The following FBXO10 variants were observed in gnomAD, a reference collection of about 807,000 sequenced individuals.
FBXO10 encodes the protein F-box protein 10.
FBXO10 carries 39 observed loss-of-function variants against 80.7 expected under a neutral mutation model. The observed-to-expected ratio is 0.48, with a 90% CI of 0.37 to 0.63. The LOEUF (loss-of-function observed/expected upper bound fraction) is 0.63, where lower values mean the gene tolerates loss of function less well. Among genes scored for constraint, FBXO10 ranks in the 30% least tolerant of loss-of-function variants. The probability of loss-of-function intolerance (pLI) is 0.00; values close to 1 mark genes in which losing one functional copy is unlikely to be tolerated. For synonymous variants in FBXO10, 449 were observed against 489.6 expected (o/e 0.92, Z 1.09); for missense variants, 1,025 against 1,269.0 (o/e 0.81, Z 2.92).
rs2119046143 is a variant in FBXO10 at position 37,516,029 on chromosome 9, A to G, written c.2571T>C (p.Arg857=). The G allele has an allele frequency of 1.2e-6, 2 of 1,613,950 alleles. 1 individual carries two copies. The highest frequency in any genetic ancestry group is 2.2e-5 in the South Asian group (2 of 91,086). The change falls in exon 10 of 11, where the codon CGT becomes CGC. Residue 857 remains arginine (R), a synonymous_variant. Coordinates refer to ENST00000432825, the MANE Select transcript of FBXO10 (RefSeq NM_012166.3). The part of the protein sequence containing the change: ...FRAYGIAVRG[R]AKALVQENII... ...TGTTTTCCTGCACCAGGGCCTTGGC[A>G]CGGCCCCGCACGGCGATGCCGTAGG...
chr9:37,522,797 C>T (rs1821375443), intron 7 of FBXO10, 28 bp downstream of exon 7: 1 of 1,550,570 alleles, frequency 6.4e-7, no homozygotes, highest in African/African-American at 1.4e-5. Flanking sequence ...TCCTGCCTCC[C>T]CGGCTGGGTT....
intron 1 of FBXO10, among the ~76,000 whole-genome samples, chr9:37,568,343 G>A (rs942635286): frequency 4.0e-5 from 6 of 151,732 alleles, no homozygotes; most frequent in Non-Finnish European, 1.5e-5. Flanking sequence ...GATTACAGCC[G>A]CCTGCCACCA....
chr9:37,558,303 T>C (rs1360887495), intron 1 of FBXO10, among the ~76,000 whole-genome samples: 3 of 152,156 alleles, frequency 2.0e-5, no homozygotes, highest in East Asian at 1.9e-4. Flanking sequence ...TTGCTAATGG[T>C]TGGTATTCCA....
chr9:37,560,689 C>T (rs1219657115), intron 1 of FBXO10, among the ~76,000 whole-genome samples: 2 of 151,720 alleles, frequency 1.3e-5, no homozygotes, highest in African/African-American at 2.4e-5. Flanking sequence ...ACCACTGGGG[C>T]CTCTGCATGT....
chr9:37,513,224 C>G (rs1821107525), intron 10 of FBXO10, among the ~76,000 whole-genome samples: 1 of 152,336 alleles, frequency 6.6e-6, no homozygotes, highest in South Asian at 2.1e-4. Flanking sequence ...GTCTTAAACT[C>G]CTGGGCTCAA....
At chr9:37,527,771 G>A (rs1000595099) in intron 5 of FBXO10, among the ~76,000 whole-genome samples, 9 of 152,262 alleles carry the variant, frequency 5.9e-5, no homozygotes, top group African/African-American at 2.2e-4. Context: ...TGGCTGGAAT[G>A]TGTGTTCAAT....
intron 6 of FBXO10, 91 bp downstream of exon 6, chr9:37,525,011 G>C (rs750595414): frequency 6.6e-4 from 720 of 1,093,392 alleles, no homozygotes; most frequent in Admixed American, 1.0e-3. Flanking sequence ...AGTCTGTGGG[G>C]GTAAAGGAGC....
At chr9:37,564,006 G>A (rs1276110898) in intron 1 of FBXO10, among the ~76,000 whole-genome samples, 1 of 152,054 alleles carries the variant, frequency 6.6e-6, no homozygotes, top group Non-Finnish European at 1.5e-5. Context: ...CCAAGGCCTA[G>A]GAGGGAAAAA....
chr9:37,573,629 GC>G (rs1276797092), intron 1 of FBXO10, among the ~76,000 whole-genome samples: 1 of 152,162 alleles, frequency 6.6e-6, no homozygotes, highest in Non-Finnish European at 1.5e-5. Flanking sequence ...GAATGTATAA[GC>G]CCCCAGAGAG....
chr9:37,565,857 A>G (rs898471231), intron 1 of FBXO10, among the ~76,000 whole-genome samples: 3 of 152,118 alleles, frequency 2.0e-5, no homozygotes, highest in African/African-American at 7.2e-5. Flanking sequence ...TCAGAGGAGG[A>G]AGAAAGGGGG....
chr9:37,541,028 G>C (rs1176780730), intron 2 of FBXO10, among the ~76,000 whole-genome samples, 156 bp downstream of exon 2: 4 of 152,188 alleles, frequency 2.6e-5, no homozygotes, highest in Non-Finnish European at 5.9e-5. Context: ...TGATCACTGT[G>C]CCTGTTTCTC....
intron 1 of FBXO10, among the ~76,000 whole-genome samples, chr9:37,558,512 C>T (rs1822392134): frequency 6.6e-6 from 1 of 152,174 alleles, no homozygotes; most frequent in Admixed American, 6.5e-5. Context: ...TCCCCCATTT[C>T]CCATAGTAGC....
chr9:37,555,941 C>T (rs1302236647), intron 1 of FBXO10, among the ~76,000 whole-genome samples: 1 of 152,106 alleles, frequency 6.6e-6, no homozygotes, highest in Non-Finnish European at 1.5e-5. Context: ...AATCTCTTGT[C>T]TAAAAGCTTT....
chr9:37,554,843 G>A (rs1013001818), intron 1 of FBXO10, among the ~76,000 whole-genome samples: 2 of 152,042 alleles, frequency 1.3e-5, no homozygotes, highest in South Asian at 2.1e-4. Context: ...AATTCTCCTC[G>A]ATGGAAACCT....
chr9:37,538,442 T>C (rs1821831222), intron 2 of FBXO10, among the ~76,000 whole-genome samples: 1 of 152,010 alleles, frequency 6.6e-6, no homozygotes. Context: ...GTGTGGTGGC[T>C]CACGCCCGTA....
intron 1 of FBXO10, among the ~76,000 whole-genome samples, chr9:37,558,038 T>C (rs112695409): frequency 3.3e-5 from 5 of 152,200 alleles, no homozygotes; most frequent in African/African-American, 9.6e-5. Context: ...ATTCTCATCG[T>C]CCCCACAGGC....
At chr9:37,572,617 A>C (rs1822787713) in intron 1 of FBXO10, among the ~76,000 whole-genome samples, 1 of 152,238 alleles carries the variant, frequency 6.6e-6, no homozygotes. Context: ...TATATTGTTT[A>C]GGGATATATA....
chr9:37,528,741 C>T (rs999011748), intron 5 of FBXO10, among the ~76,000 whole-genome samples: 1 of 152,212 alleles, frequency 6.6e-6, no homozygotes, highest in African/African-American at 2.4e-5. Flanking sequence ...TGTGCTGAGG[C>T]CAGGTGCAGC....
At position 37,537,746 on chromosome 9, in the gene FBXO10, G is replaced by A. The variant is rs367901511; in HGVS notation, c.783C>T (p.His261=). The A allele has an allele frequency of 1.9e-6, 3 of 1,613,890 alleles. No homozygotes were observed. Among genetic ancestry groups the A allele is most frequent in the Non-Finnish European group, 2.5e-6 (3 of 1,179,888 alleles). ...SENNSVTVEG[H]PSADKNWAYK... ...AGGCCCAGTTCTTATCTGCAGATGGGTGACCCTCAACAGTCACAGAGTTGT... is the reference window on the plus strand; with the variant it reads ...AGGCCCAGTTCTTATCTGCAGATGGATGACCCTCAACAGTCACAGAGTTGT... Residue 261 remains histidine, a synonymous_variant, in exon 3 of 11, where the codon CAC becomes CAT. Coordinates refer to ENST00000432825, the MANE Select transcript of FBXO10 (RefSeq NM_012166.3).
Sources: gnomAD v4.1 joint callset for allele counts (sites outside exome capture counted in the v4.1 genomes callset) on GRCh38, gnomAD v4.1.1 for gene constraint, MANE v1.5 for transcripts, NCBI Gene and HGNC (gene_info 2026-07-23, HGNC 2026-07-21) for gene names.